ALDH1L2: variants seen among roughly 807,000 people sequenced by gnomAD.
ALDH1L2 encodes the protein aldehyde dehydrogenase 1 family member L2, also known as mitochondrial 10-formyltetrahydrofolate dehydrogenase.
ALDH1L2 carries 91 observed loss-of-function variants against 111.0 expected under a neutral mutation model. That is an observed-to-expected ratio of 0.82 (90% CI 0.69 to 0.98). ALDH1L2 has a LOEUF of 0.98. Ranked by LOEUF, ALDH1L2 falls within the 50% of genes least tolerant of loss-of-function variation. The pLI is 0.00. For missense variants in ALDH1L2, 995 were observed against 1,126.8 expected (o/e 0.88, Z 1.67); for synonymous variants, 374 against 392.6 (o/e 0.95, Z 0.56).
chr12:105,035,878 C>CAT (rs1197659541), intron 18 of ALDH1L2, among the ~76,000 whole-genome samples: 2 of 107,818 alleles, frequency 1.9e-5, no homozygotes, highest in Admixed American at 1.8e-4. Context: ...TACACACACA[C>CAT]ATATATATAC....
intron 8 of ALDH1L2, among the ~76,000 whole-genome samples, 169 bp from the exon 9 acceptor site, chr12:105,061,241 A>G (rs1876984115): frequency 6.6e-6 from 1 of 152,166 alleles, no homozygotes; most frequent in Non-Finnish European, 1.5e-5. Flanking sequence ...ACCAATGAAC[A>G]GGAGTGGAAG....
At chr12:105,060,760 G>A (rs1876940284) in intron 9 of ALDH1L2, 2 of 268,434 alleles carry the variant, frequency 7.5e-6, no homozygotes, top group Non-Finnish European at 1.4e-5. Flanking sequence ...GGAGGCGGAG[G>A]TTGCGGTGAG....
chr12:105,055,167 G>T (rs889420615), intron 10 of ALDH1L2, among the ~76,000 whole-genome samples: 2 of 152,152 alleles, frequency 1.3e-5, no homozygotes, highest in Admixed American at 6.5e-5. Flanking sequence ...CAGGCAGGAA[G>T]TGTGAAGGTA....
At position 105,022,178 on chromosome 12, in the gene ALDH1L2, C is replaced by G. The variant is rs1416708643; in HGVS notation, c.*2246G>C. ...TGGTAACTTTATGTATTACACAGAG[C>G]CTTTGATTCTGATCAGCCAGATCTA... On this transcript the variant is annotated 3_prime_UTR_variant, in exon 23 of 23. Coordinates refer to ENST00000258494, the MANE Select transcript of ALDH1L2 (RefSeq NM_001034173.4). 1 of 152,134 alleles carries G rather than the reference C, an allele frequency of 6.6e-6. No individual in the cohort carries two copies. The highest frequency in any genetic ancestry group is 6.5e-5 in the Admixed American group (1 of 15,272). 9.4% of individuals were successfully genotyped at this position (152,134 alleles called of 1,614,324 possible).
intron 21 of ALDH1L2, chr12:105,030,051 TCCA>T: frequency 4.2e-6 from 1 of 235,318 alleles, no homozygotes; most frequent in East Asian, 8.4e-5. Flanking sequence ...TTTACTTTGT[TCCA>T]CAGACATCTC....
At chr12:105,082,748 G>A (rs1050084626) in intron 1 of ALDH1L2, among the ~76,000 whole-genome samples, 4 of 152,122 alleles carry the variant, frequency 2.6e-5, no homozygotes, top group Non-Finnish European at 5.9e-5. Context: ...CATATGATAG[G>A]TTTATGTTTA....
intron 16 of ALDH1L2, among the ~76,000 whole-genome samples, 186 bp from the exon 17 acceptor site, chr12:105,039,992 G>T (rs7316236): frequency 0.32 from 48,015 of 151,696 alleles, 8,275 homozygotes; most frequent in South Asian, 0.51. Context: ...AGCCAGGCAT[G>T]GTGGCACACG....
In ALDH1L2 at chr12:105,073,939, T is replaced by C; in HGVS notation, c.115A>G (p.Ser39Gly). 3.7e-6 allele frequency: 6 copies of C among 1,614,152 alleles called. No individual in the cohort carries two copies. The highest frequency in any genetic ancestry group is 5.1e-6 in the Non-Finnish European group (6 of 1,180,038). ...GQSLFGQEVY[S>G]HLRKEGHRVV... ...CGGTGGCCCTCTTTGCGGAGGTGGC[T>C]ATAGACTTCTTGTCCAAAGAGGCTC... The change falls in exon 2 of 23, where the codon AGC becomes GGC. Residue 39 changes from serine (S) to glycine (G), a missense_variant. Transcript: ENST00000258494.
chr12:105,065,312 T>A lies in ALDH1L2; in HGVS notation c.741A>T (p.Arg247=). The change falls in exon 6 of 23, where the codon CGA becomes CGT. Residue 247 remains arginine (R), a synonymous_variant. Transcript: ENST00000258494. ...AAGCTCCAGGGACTTTATCATGACC[T>A]CGAATCCAGTTATGTAAAACTTCGG... The part of the protein sequence containing the change: ...QSAEVLHNWI[R]GHDKVPGAWT... The A allele has an allele frequency of 6.2e-7, 1 of 1,611,010 alleles. No individual in the cohort carries two copies. Among genetic ancestry groups the A allele is most frequent in the Non-Finnish European group, 8.5e-7 (1 of 1,177,850 alleles).
rs1161496054 is a variant in ALDH1L2 at position 105,061,653 on chromosome 12, CT to C, written c.1020del (p.Glu341ArgfsTer2). The C allele has an allele frequency of 1.2e-5, 19 of 1,614,070 alleles. No homozygotes were observed. The African/African-American group carries it at 1.9e-4, about 16-fold the overall frequency. ...TTGATGGTCTCTGCCACTTTCACCT[CT>C]TCAGCTGTCAGTTCTACCACTGACG... Reference protein sequence around the residue: ...GETSVVELTAEEVKVAETIKV... With the variant: ...GETSVVELTAXEVKVAETIKV... On this transcript the variant is annotated frameshift_variant, in exon 8 of 23. Coordinates refer to ENST00000258494, the MANE Select transcript of ALDH1L2 (RefSeq NM_001034173.4). LOFTEE classifies it high-confidence loss of function.
rs562566558 is a variant in ALDH1L2 at position 105,025,760 on chromosome 12, G to A, written c.2716+785C>T. 1.8e-4 allele frequency among the ~76,000 whole-genome samples: 27 copies of A among 152,268 alleles called. No homozygotes were observed. In the South Asian group the frequency reaches 5.6e-3, roughly 32 times the overall value. Reference sequence around the variant, plus strand: ...TTTGAAACAACGTACCAGACTGAGGGGAATAAGAGATGTGCTCCACAGCCA... The same window carrying A: ...TTTGAAACAACGTACCAGACTGAGGAGAATAAGAGATGTGCTCCACAGCCA... On this transcript the variant is annotated intron_variant, in intron 22 of 22. Coordinates refer to ENST00000258494, the MANE Select transcript of ALDH1L2 (RefSeq NM_001034173.4).
At chr12:105,043,621 C>G (rs2136064966) in intron 15 of ALDH1L2, among the ~76,000 whole-genome samples, 1 of 152,214 alleles carries the variant, frequency 6.6e-6, no homozygotes, top group South Asian at 2.1e-4. Context: ...ACTAACTATC[C>G]TGAATTAATT....
chr12:105,056,408 G>A (rs1876633654), intron 10 of ALDH1L2, among the ~76,000 whole-genome samples: 1 of 151,956 alleles, frequency 6.6e-6, no homozygotes, highest in Non-Finnish European at 1.5e-5. Context: ...GTACTGAGAA[G>A]AATCCTTCAA....
intron 17 of ALDH1L2, among the ~76,000 whole-genome samples, chr12:105,038,948 A>G (rs1469740274): frequency 1.3e-5 from 2 of 152,248 alleles, no homozygotes; most frequent in African/African-American, 4.8e-5. Context: ...CAATTTTTAA[A>G]AGTACGCTGC....
chr12:105,072,151 TTAA>T (rs35767428), intron 2 of ALDH1L2, among the ~76,000 whole-genome samples: 28,950 of 147,372 alleles, frequency 0.2, 3,076 homozygotes, highest in African/African-American at 0.27. Flanking sequence ...ATTGTATATA[TTAA>T]TAAATTATAG....
intron 6 of ALDH1L2, among the ~76,000 whole-genome samples, chr12:105,064,473 C>T (rs1033781896): frequency 6.6e-6 from 1 of 152,146 alleles, no homozygotes. Context: ...CCCTTGGTCA[C>T]CCATCGAGCC....
chr12:105,065,336 G>A lies in ALDH1L2; in HGVS notation c.717C>T (p.Ala239=), dbSNP rs764022357. Residue 239 remains alanine (A), a synonymous_variant, in exon 6 of 23, where the codon GCC becomes GCT. Coordinates refer to ENST00000258494, the MANE Select transcript of ALDH1L2 (RefSeq NM_001034173.4). ...CTCGAATCCAGTTATGTAAAACTTC[G>A]GCAGACTGGTCCCAAGAAATCTAGG... ...ENAEISWDQS[A]EVLHNWIRGH... is the part of the protein sequence containing the mutation. The A allele has an allele frequency of 9.9e-6, 16 of 1,611,472 alleles. No individual in the cohort carries two copies. Among genetic ancestry groups the A allele is most frequent in the Non-Finnish European group, 8.5e-6 (10 of 1,178,222 alleles).
At chr12:105,069,017 G>A in intron 3 of ALDH1L2, 133 bp from the exon 4 acceptor site, 1 of 852,834 alleles carries the variant, frequency 1.2e-6, no homozygotes, top group Non-Finnish European at 1.6e-6. Context: ...GAAATTAACA[G>A]TAGAACTGGG....
At chr12:105,051,185 G>C (rs557246460) in intron 12 of ALDH1L2, among the ~76,000 whole-genome samples, 1 of 152,034 alleles carries the variant, frequency 6.6e-6, no homozygotes, top group Non-Finnish European at 1.5e-5. Context: ...GCCGCTCTCT[G>C]TATCCATTCT....
Sources: allele counts gnomAD v4.1 joint callset (sites outside exome capture counted in the v4.1 genomes callset), GRCh38; gene constraint gnomAD v4.1.1; transcripts MANE v1.5; gene names NCBI Gene and HGNC (gene_info 2026-07-23, HGNC 2026-07-21).